KLRG2: variants seen among roughly 807,000 people sequenced by gnomAD.
KLRG2 encodes killer cell lectin like receptor G2, also known as killer cell lectin-like receptor subfamily G member 2.
In KLRG2, 39 loss-of-function variants were observed where a neutral mutation model predicts 35.4. The ratio of observed to expected loss-of-function variants is 1.10; its 90% CI spans 0.85 to 1.44. KLRG2 has a LOEUF of 1.44. Ranked by LOEUF, KLRG2 falls within the 40% of genes most tolerant of loss-of-function variation. The probability of loss-of-function intolerance (pLI) is 0.00; values close to 1 mark genes in which losing one functional copy is unlikely to be tolerated. For missense variants in KLRG2, 632 were observed against 570.9 expected, an observed-to-expected ratio of 1.11 and a Z score of -1.09; for synonymous variants, 283 against 265.8, an observed-to-expected ratio of 1.06 and a Z score of -0.63.
the KLRG2 span, among the ~76,000 whole-genome samples, chr7:139,441,693 GC>G: frequency 6.6e-6 from 1 of 152,074 alleles, no homozygotes; most frequent in Non-Finnish European, 1.5e-5. Context: ...GATCCCTTGA[GC>G]CCAGGGAGGT....
chr7:139,456,451 C>T (rs6973030), intron 3 of KLRG2, among the ~76,000 whole-genome samples: 1,571 of 152,242 alleles, frequency 0.01, 28 homozygotes, highest in African/African-American at 0.031. Flanking sequence ...CTGCAACCAC[C>T]GTCTCCCGTG....
chr7:139,468,391 T>C (rs1196686923), intron 3 of KLRG2, among the ~76,000 whole-genome samples: 1 of 152,148 alleles, frequency 6.6e-6, no homozygotes, highest in Non-Finnish European at 1.5e-5. Context: ...CCTTAACTGA[T>C]GACATTACTT....
intron 3 of KLRG2, among the ~76,000 whole-genome samples, chr7:139,460,725 A>G (rs536799606): frequency 2.6e-5 from 4 of 152,046 alleles, no homozygotes; most frequent in Non-Finnish European, 5.9e-5. Flanking sequence ...TTGGGAGGCC[A>G]AGGCAGGCAG....
intron 3 of KLRG2, among the ~76,000 whole-genome samples, chr7:139,472,863 G>A (rs910993386): frequency 1.3e-5 from 2 of 152,202 alleles, no homozygotes; most frequent in Non-Finnish European, 2.9e-5. Context: ...TCCACCCCCA[G>A]CCCAAAGATC....
chr7:139,467,969 GAT>G (rs1796694422), intron 3 of KLRG2, among the ~76,000 whole-genome samples: 1 of 152,230 alleles, frequency 6.6e-6, no homozygotes, highest in African/African-American at 2.4e-5. Flanking sequence ...CATCTACTGA[GAT>G]AGGGGAAAAC....
chr7:139,430,841 T>G, the KLRG2 span, among the ~76,000 whole-genome samples: 3 of 151,930 alleles, frequency 2.0e-5, no homozygotes, highest in African/African-American at 4.8e-5. Context: ...AAACCCTGTC[T>G]CTACTAAAAA....
chr7:139,441,614 A>T, the KLRG2 span, among the ~76,000 whole-genome samples: 2 of 140,832 alleles, frequency 1.4e-5, no homozygotes, highest in African/African-American at 2.5e-5. Context: ...TTAAAGTATA[A>T]AAAAAAAAAT....
chr7:139,470,685 G>A (rs1796740204), intron 3 of KLRG2, among the ~76,000 whole-genome samples: 1 of 152,090 alleles, frequency 6.6e-6, no homozygotes, highest in Admixed American at 6.6e-5. Flanking sequence ...CAGCTACTTG[G>A]GAGGTTGAGG....
At chr7:139,429,828 CCT>C in the KLRG2 span, among the ~76,000 whole-genome samples, 1 of 152,198 alleles carries the variant, frequency 6.6e-6, no homozygotes, top group Admixed American at 6.5e-5. Context: ...CCTTCCCCCC[CCT>C]TTCTATTCCA....
Position 139,453,229 on chromosome 7 carries a change from T to C in KLRG2, c.*358A>G. ...CCATGAGCCGGAATGAGAACCCAGATTGGAATCCGCTGTGGTTGTTAACCC... is the reference window on the plus strand; with the variant it reads ...CCATGAGCCGGAATGAGAACCCAGACTGGAATCCGCTGTGGTTGTTAACCC... On this transcript the variant is annotated 3_prime_UTR_variant, in exon 5 of 5. Transcript: ENST00000340940. 1 of 420,810 alleles carries C rather than the reference T, an allele frequency of 2.4e-6. No homozygotes were observed. Among genetic ancestry groups the C allele is most frequent in the Non-Finnish European group, 4.2e-6 (1 of 240,876 alleles). 26.1% of individuals were successfully genotyped at this position (420,810 alleles called of 1,614,324 possible).
chr7:139,445,794 T>TATATAC, the KLRG2 span, among the ~76,000 whole-genome samples: 1 of 119,426 alleles, frequency 8.4e-6, no homozygotes, highest in African/African-American at 5.8e-5. Flanking sequence ...TATATATATG[T>TATATAC]GTGTATATAT....
chr7:139,435,888 C>T, the KLRG2 span, among the ~76,000 whole-genome samples: 4 of 148,136 alleles, frequency 2.7e-5, no homozygotes, highest in African/African-American at 5.1e-5. Flanking sequence ...CTATTCAGAT[C>T]TTATATAGGG....
At chr7:139,474,805 T>C (rs1201746995) in intron 3 of KLRG2, among the ~76,000 whole-genome samples, 1 of 152,150 alleles carries the variant, frequency 6.6e-6, no homozygotes, top group Admixed American at 6.5e-5. Context: ...ATAAATGTCT[T>C]GTCCACAGTT....
At chr7:139,480,112 G>C (rs1796928490) in intron 2 of KLRG2, 34 bp downstream of exon 2, 2 of 1,376,940 alleles carry the variant, frequency 1.5e-6, no homozygotes, top group Non-Finnish European at 2.1e-6. Flanking sequence ...TGGAGCGGCA[G>C]GGAGAGGGGA....
chr7:139,449,944 G>T (rs1393518867), downstream of KLRG2, among the ~76,000 whole-genome samples: 3 of 151,686 alleles, frequency 2.0e-5, no homozygotes, highest in South Asian at 6.2e-4. Context: ...CTTGTGATCC[G>T]CCCGCCTCGG....
At chr7:139,460,424 T>A (rs1045716537) in intron 3 of KLRG2, among the ~76,000 whole-genome samples, 1 of 152,190 alleles carries the variant, frequency 6.6e-6, no homozygotes, top group Non-Finnish European at 1.5e-5. Flanking sequence ...ATGCCTGTAA[T>A]CCCAGCCCTT....
intron 3 of KLRG2, among the ~76,000 whole-genome samples, chr7:139,475,916 A>G (rs1312927854): frequency 6.6e-6 from 1 of 151,812 alleles, no homozygotes; most frequent in African/African-American, 2.4e-5. Flanking sequence ...ATTAAATTAC[A>G]GGACACCCAG....
chr7:139,482,309 C>T lies in KLRG2; in HGVS notation c.757+577G>A, dbSNP rs73733102. ...CCCTCATCTGGAGTTCCTTCCACTG[C>T]TACTTCTCAAAGGTGCTGCGCATGC... On this transcript the variant is annotated intron_variant, in intron 1 of 4. Coordinates refer to ENST00000340940, the MANE Select transcript of KLRG2 (RefSeq NM_198508.4). Among the ~76,000 whole-genome samples, 164 of 152,328 alleles carry T rather than the reference C, an allele frequency of 1.1e-3. 2 individuals are homozygous for T. Among genetic ancestry groups the T allele is most frequent in the African/African-American group, 3.8e-3 (158 of 41,572 alleles).
chr7:139,466,084 A>C (rs1236230881), intron 3 of KLRG2, among the ~76,000 whole-genome samples: 1 of 152,130 alleles, frequency 6.6e-6, no homozygotes, highest in African/African-American at 2.4e-5. Flanking sequence ...ATCTATCCTC[A>C]AAAAAATCTC....
Sources: gnomAD v4.1 joint callset for allele counts (sites outside exome capture counted in the v4.1 genomes callset) on GRCh38, gnomAD v4.1.1 for gene constraint, MANE v1.5 for transcripts, NCBI Gene and HGNC (gene_info 2026-07-23, HGNC 2026-07-21) for gene names.